CYP46A1: variants seen among roughly 807,000 people sequenced by gnomAD.
CYP46A1 encodes the protein cholesterol 24-hydroxylase.
CYP46A1 carries 20 observed loss-of-function variants against 63.3 expected under a neutral mutation model. The ratio of observed to expected loss-of-function variants is 0.32; its 90% CI spans 0.22 to 0.46. The LOEUF (loss-of-function observed/expected upper bound fraction) is 0.46, where lower values mean the gene tolerates loss of function less well. CYP46A1 is among the 20% of genes least tolerant of loss of function. The pLI is 1.00. For missense variants in CYP46A1, 445 were observed against 670.8 expected (o/e 0.66, Z 3.72); for synonymous variants, 268 against 273.6 (o/e 0.98, Z 0.20).
chr14:99,691,903 TC>T, intron 3 of CYP46A1, 42 bp downstream of exon 3: 1 of 1,595,980 alleles, frequency 6.3e-7, no homozygotes. Context: ...TCCCTGCCTT[TC>T]CTTGGGTTGG....
Position 99,707,651 on chromosome 14 carries a change from C to T in CYP46A1, c.666C>T (p.Ile222=). The T allele has an allele frequency of 8.1e-6, 13 of 1,614,136 alleles. No individual in the cohort carries two copies. Among genetic ancestry groups the T allele is most frequent in the Non-Finnish European group, 1.1e-5 (13 of 1,179,992 alleles). The change falls in exon 7 of 15, where the codon ATC becomes ATT. Residue 222 remains isoleucine, a synonymous_variant. Coordinates refer to ENST00000261835, the MANE Select transcript of CYP46A1 (RefSeq NM_006668.2). ...CAGTGAAACTTATGTTGGAGGGAAT[C>T]ACTGCGTCCCGCAACACTCTGGCAA... ...SQAVKLMLEG[I]TASRNTLAKF...
chr14:99,716,081 C>T, intron 8 of CYP46A1, 56 bp from the exon 9 acceptor site: 1 of 1,611,406 alleles, frequency 6.2e-7, no homozygotes, highest in South Asian at 1.1e-5. Context: ...ATTTTATGAG[C>T]CATGGGGAAA....
In CYP46A1 at chr14:99,715,921, G is replaced by T; in HGVS notation, c.805G>T (p.Glu269Ter). 1 of 1,611,614 alleles carries T rather than the reference G, an allele frequency of 6.2e-7. No individual in the cohort carries two copies. Among genetic ancestry groups the T allele is most frequent in the Non-Finnish European group, 8.5e-7 (1 of 1,178,730 alleles). The change falls in exon 8 of 15, where the codon GAG (glutamate) becomes TAG (stop). Residue 269 changes from glutamate to a stop codon, truncating the protein, a stop_gained. Coordinates refer to ENST00000261835, the MANE Select transcript of CYP46A1 (RefSeq NM_006668.2). LOFTEE classifies it high-confidence loss of function. Reference protein sequence around the residue: ...QRRREALKRGEEVPADILTQI... With the variant: ...QRRREALKRG The stretch of plus-strand genomic sequence containing the variant: ...CCGCCGGGAAGCCCTGAAGAGGGGC[G>T]AGGAGGTTCCTGCCGACATCCTCAC...
At position 99,700,089 on chromosome 14, in the gene CYP46A1, C is replaced by A; in HGVS notation, c.431C>A (p.Ala144Asp). Residue 144 changes from alanine to aspartate, a missense_variant, in exon 5 of 15, where the codon GCC becomes GAC. By Grantham distance (126) the Ala-to-Asp change is moderately radical (BLOSUM62 -2). Transcript: ENST00000261835. Reference protein sequence around the residue: ...WHKQRRVIDLAFSRSSLVSLM... With the variant: ...WHKQRRVIDLDFSRSSLVSLM... ...AAGCAGCGGAGAGTCATAGACCTGG[C>A]CTTCAGCCGGAGGTGAGTGTGGCCG... 1 of 1,600,374 alleles carries A rather than the reference C, an allele frequency of 6.2e-7. No individual in the cohort carries two copies. The highest frequency in any genetic ancestry group is 8.5e-7 in the Non-Finnish European group (1 of 1,171,046).
At chr14:99,706,348 G>T (rs2273838) in intron 5 of CYP46A1, 21 of 292,468 alleles carry the variant, frequency 7.2e-5, no homozygotes, top group Admixed American at 1.4e-4. Context: ...ACACTGTCAC[G>T]TCCCTTTGAG....
chr14:99,714,228 C>T (rs762472435), intron 7 of CYP46A1, among the ~76,000 whole-genome samples: 7 of 152,000 alleles, frequency 4.6e-5, no homozygotes, highest in Non-Finnish European at 7.4e-5. Context: ...ATAACAGATG[C>T]GGGTGAGGAT....
chr14:99,691,691 G>T (rs543968535), intron 2 of CYP46A1, 89 bp from the exon 3 acceptor site: 2 of 1,260,644 alleles, frequency 1.6e-6, no homozygotes, highest in South Asian at 1.2e-5. Flanking sequence ...CTTCTGGGAC[G>T]GGAAACATCG....
chr14:99,715,299 A>G (rs747299660), intron 7 of CYP46A1, among the ~76,000 whole-genome samples: 4 of 152,214 alleles, frequency 2.6e-5, no homozygotes. Context: ...ATAGATTTTT[A>G]AAAAGATGGC....
chr14:99,687,195 C>T (rs867748297), intron 1 of CYP46A1, among the ~76,000 whole-genome samples: 1 of 152,224 alleles, frequency 6.6e-6, no homozygotes, highest in Non-Finnish European at 1.5e-5. Flanking sequence ...AACTCAGACC[C>T]CCACACTCAG....
intron 7 of CYP46A1, 89 bp downstream of exon 7, chr14:99,707,767 T>TC: frequency 8.3e-7 from 1 of 1,207,750 alleles, no homozygotes; most frequent in Non-Finnish European, 1.2e-6. Context: ...TTTTTTTTTT[T>TC]TTCCCAGAAT....
intron 9 of CYP46A1, 98 bp downstream of exon 9, chr14:99,716,297 TC>T: frequency 7.5e-7 from 1 of 1,339,176 alleles, no homozygotes; most frequent in Admixed American, 1.8e-5. Flanking sequence ...TTTTGGGCTA[TC>T]TGAGCAGAGC....
intron 9 of CYP46A1, 33 bp from the exon 10 acceptor site, chr14:99,718,021 A>G (rs777717991): frequency 1.3e-6 from 2 of 1,578,430 alleles, no homozygotes; most frequent in Non-Finnish European, 1.7e-6. Flanking sequence ...CTGTGGCCCC[A>G]TGTGGAGCAA....
chr14:99,705,032 A>G (rs1259118610), intron 5 of CYP46A1, among the ~76,000 whole-genome samples: 2 of 152,178 alleles, frequency 1.3e-5, no homozygotes, highest in Non-Finnish European at 2.9e-5. Context: ...TCCAGCTCTT[A>G]AGCTCAGGTG....
chr14:99,688,734 T>C (rs1372497966), intron 1 of CYP46A1, among the ~76,000 whole-genome samples: 1 of 152,166 alleles, frequency 6.6e-6, no homozygotes, highest in East Asian at 1.9e-4. Context: ...CTGCCTGCCT[T>C]TGGGCCTCCC....
At chr14:99,704,451 C>T (rs574508066) in intron 5 of CYP46A1, among the ~76,000 whole-genome samples, 7 of 148,432 alleles carry the variant, frequency 4.7e-5, no homozygotes, top group African/African-American at 1.8e-4. Flanking sequence ...CAACCATTAC[C>T]CACACAGAAT....
chr14:99,700,097 C>G lies in CYP46A1; in HGVS notation c.439C>G (p.Arg147Gly). 6.3e-7 allele frequency: 1 copy of G among 1,596,442 alleles called. No homozygotes were observed. The highest frequency in any genetic ancestry group is 8.6e-7 in the Non-Finnish European group (1 of 1,168,358). Residue 147 changes from arginine (R) to glycine (G), a missense_variant, in exon 5 of 15, where the codon CGG becomes GGG. This residue lies in a region of CYP46A1 where 252 missense variants were observed against 383.3 expected (regional missense o/e 0.66). Transcript: ENST00000261835. ...GAGAGTCATAGACCTGGCCTTCAGC[C>G]GGAGGTGAGTGTGGCCGGAGGCTCC... ...QRRVIDLAFS[R>G]SSLVSLMETF...
chr14:99,721,213 G>A (rs759958322), intron 10 of CYP46A1, 26 bp from the exon 11 acceptor site: 4 of 1,588,754 alleles, frequency 2.5e-6, no homozygotes, highest in South Asian at 1.1e-5. Flanking sequence ...CTTTGGAGAC[G>A]AACTTGTCTT....
At chr14:99,688,961 C>T (rs1164450026) in intron 1 of CYP46A1, among the ~76,000 whole-genome samples, 1 of 152,218 alleles carries the variant, frequency 6.6e-6, no homozygotes, top group East Asian at 1.9e-4. Context: ...TTCCCTCCTC[C>T]CCAGTGCTCC....
rs1208135775 is a variant in CYP46A1, at chr14:99,725,817, G to A, written c.1265+338G>A. Among the ~76,000 whole-genome samples, 3 of 152,146 alleles carry A rather than the reference G, an allele frequency of 2.0e-5. No homozygotes were observed. The highest frequency in any genetic ancestry group is 2.9e-5 in the Non-Finnish European group (2 of 68,018). On this transcript the variant is annotated intron_variant, in intron 13 of 14. Transcript: ENST00000261835. This position sits in a 1 kb window ranked among gnomAD's most constrained non-coding sequence, Gnocchi z 4.2. ...TCTGCAAGTTGCTGTGGGGGTCAAC[G>A]CGTTAAGGTACCGAAGCCATGGTGG...
Sources: gnomAD v4.1 joint callset for allele counts (sites outside exome capture counted in the v4.1 genomes callset) on GRCh38, gnomAD v4.1.1 for gene constraint, gnomAD v4.1.1 regional missense constraint, Gnocchi (gnomAD v3.1) non-coding constraint, MANE v1.5 for transcripts, NCBI Gene and HGNC (gene_info 2026-07-23, HGNC 2026-07-21) for gene names.